Variants in ZFPM2 observed in about 807,000 individuals in gnomAD.
The protein encoded by ZFPM2 is zinc finger protein, FOG family member 2.
In ZFPM2, 20 loss-of-function variants were observed where a neutral mutation model predicts 98.6. The observed-to-expected ratio is 0.20, with a 90% CI of 0.14 to 0.29. The LOEUF is 0.29. Among genes scored for constraint, ZFPM2 ranks in the 10% least tolerant of loss-of-function variants. ZFPM2 has a pLI of 1.00. For missense variants in ZFPM2, 1,310 were observed against 1,388.6 expected, an observed-to-expected ratio of 0.94 and a Z score of 0.90; for synonymous variants, 518 against 502.7, an observed-to-expected ratio of 1.03 and a Z score of -0.41.
intron 3 of ZFPM2, among the ~76,000 whole-genome samples, chr8:105,487,155 T>C (rs1182383844): frequency 1.3e-5 from 2 of 152,126 alleles, no homozygotes; most frequent in African/African-American, 4.8e-5. Context: ...CTCTGCCACC[T>C]AGGCTGGAGT....
chr8:105,557,025 C>G (rs1337780254), intron 3 of ZFPM2, among the ~76,000 whole-genome samples: 6 of 152,036 alleles, frequency 3.9e-5, no homozygotes, highest in Non-Finnish European at 8.8e-5. Context: ...TGTCTGGCCT[C>G]TAGTTCTTTT....
intron 3 of ZFPM2, among the ~76,000 whole-genome samples, chr8:105,551,574 T>A (rs2130663237): frequency 6.6e-6 from 1 of 152,310 alleles, no homozygotes; most frequent in East Asian, 1.9e-4. Flanking sequence ...TAGTATGAGC[T>A]CCCTGGGTTA....
At chr8:105,794,807 C>T (rs1027234046) in intron 6 of ZFPM2, among the ~76,000 whole-genome samples, 4 of 152,316 alleles carry the variant, frequency 2.6e-5, no homozygotes, top group South Asian at 2.1e-4. Context: ...CCCCCAGCCT[C>T]GCTGCCGCCT....
intron 4 of ZFPM2, among the ~76,000 whole-genome samples, chr8:105,598,909 C>T (rs565738738): frequency 2.6e-5 from 4 of 152,250 alleles, no homozygotes; most frequent in African/African-American, 7.2e-5. Flanking sequence ...AACTCTGTTG[C>T]GGAGGCACCC....
At chr8:105,562,619 C>T (rs1427260513) in intron 4 of ZFPM2, among the ~76,000 whole-genome samples, 1 of 152,136 alleles carries the variant, frequency 6.6e-6, no homozygotes, top group Non-Finnish European at 1.5e-5. Context: ...CTGCCCGTGG[C>T]CCTTCCCTCA....
At chr8:105,702,688 G>A (rs1386814869) in intron 5 of ZFPM2, among the ~76,000 whole-genome samples, 1 of 152,228 alleles carries the variant, frequency 6.6e-6, no homozygotes, top group Non-Finnish European at 1.5e-5. Flanking sequence ...ACGTGTATAA[G>A]GGAGTTGGGA....
In ZFPM2 at chr8:105,422,356, T is replaced by C. The variant is rs537095280; in HGVS notation, c.199+3054T>C. Among the ~76,000 whole-genome samples, 3 of 152,134 alleles carry C rather than the reference T, an allele frequency of 2.0e-5. No individual in the cohort carries two copies. In the East Asian group the frequency reaches 5.8e-4, roughly 30 times the overall value. On this transcript the variant is annotated intron_variant, in intron 2 of 7. Transcript: ENST00000407775. Reference sequence around the variant, plus strand: ...GGAGGCTGAGGCAGACAGAATTGCTTGAACCCGGGAGGTGGTGGAGGTTAC... The same window carrying C: ...GGAGGCTGAGGCAGACAGAATTGCTCGAACCCGGGAGGTGGTGGAGGTTAC...
chr8:105,649,254 G>C (rs1247203994), intron 5 of ZFPM2, among the ~76,000 whole-genome samples: 1 of 152,170 alleles, frequency 6.6e-6, no homozygotes, highest in Non-Finnish European at 1.5e-5. Context: ...TGCTGAAGTT[G>C]CTTATCAGCT....
chr8:105,770,537 A>G (rs1291922246), intron 5 of ZFPM2, among the ~76,000 whole-genome samples: 2 of 152,130 alleles, frequency 1.3e-5, no homozygotes, highest in African/African-American at 2.4e-5. Flanking sequence ...TCGTGAATAA[A>G]ATAAGACCTC....
chr8:105,589,155 A>G (rs1815790542), intron 4 of ZFPM2, among the ~76,000 whole-genome samples: 1 of 152,210 alleles, frequency 6.6e-6, no homozygotes, highest in African/African-American at 2.4e-5. Context: ...GCTATTATTC[A>G]GTTCCACTTG....
chr8:105,520,948 T>C (rs1439384346), intron 3 of ZFPM2, among the ~76,000 whole-genome samples: 3 of 152,048 alleles, frequency 2.0e-5, no homozygotes, highest in Non-Finnish European at 4.4e-5. Flanking sequence ...CTGAAGACTT[T>C]GAAGACCATC....
chr8:105,569,590 G>A (rs1004640236), intron 4 of ZFPM2, among the ~76,000 whole-genome samples: 1 of 152,126 alleles, frequency 6.6e-6, no homozygotes, highest in African/African-American at 2.4e-5. Flanking sequence ...TGCCCATGAT[G>A]GTTTCTTGAG....
At chr8:105,332,792 G>A (rs1379396627) in intron 1 of ZFPM2, among the ~76,000 whole-genome samples, 1 of 151,590 alleles carries the variant, frequency 6.6e-6, no homozygotes, top group Non-Finnish European at 1.5e-5. Flanking sequence ...ATGACAAGAG[G>A]GAATTGTATC....
intron 5 of ZFPM2, among the ~76,000 whole-genome samples, chr8:105,650,071 A>G (rs1817398741): frequency 1.3e-5 from 2 of 151,968 alleles, no homozygotes; most frequent in Admixed American, 6.6e-5. Context: ...CTGTCTATTC[A>G]GGGATTCAAC....
intron 5 of ZFPM2, among the ~76,000 whole-genome samples, chr8:105,649,959 C>G (rs573962231): frequency 1.3e-5 from 2 of 152,128 alleles, no homozygotes; most frequent in African/African-American, 4.8e-5. Context: ...AAGAATGGTA[C>G]CAGCTCCTCC....
chr8:105,799,436 T>C (rs901912288), intron 7 of ZFPM2, among the ~76,000 whole-genome samples: 7 of 152,166 alleles, frequency 4.6e-5, no homozygotes, highest in Non-Finnish European at 8.8e-5. Flanking sequence ...ATCAGTAAAA[T>C]ATTTCTGACT....
At chr8:105,396,194 C>T (rs1290861799) in intron 1 of ZFPM2, among the ~76,000 whole-genome samples, 1 of 152,136 alleles carries the variant, frequency 6.6e-6, no homozygotes. Flanking sequence ...GAACAAAAGA[C>T]ATAGGGGTGT....
At chr8:105,727,420 C>T (rs928022927) in intron 5 of ZFPM2, among the ~76,000 whole-genome samples, 3 of 151,778 alleles carry the variant, frequency 2.0e-5, no homozygotes, top group Non-Finnish European at 4.4e-5. Context: ...ATGTACTATG[C>T]GATCTCCTAC....
At chr8:105,592,358 C>A (rs1441693278) in intron 4 of ZFPM2, among the ~76,000 whole-genome samples, 2 of 151,984 alleles carry the variant, frequency 1.3e-5, no homozygotes, top group African/African-American at 4.8e-5. Context: ...TCTCATTTGG[C>A]CATTGAAGGG....
Sources: allele counts gnomAD v4.1 joint callset (sites outside exome capture counted in the v4.1 genomes callset), GRCh38; gene constraint gnomAD v4.1.1; transcripts MANE v1.5; gene names NCBI Gene and HGNC (gene_info 2026-07-23, HGNC 2026-07-21).